The following ZC3H12D variants were observed in gnomAD, a reference collection of about 807,000 sequenced individuals.
ZC3H12D encodes zinc finger CCCH-type containing 12D.
In ZC3H12D, 11 loss-of-function variants were observed where a neutral mutation model predicts 24.2. The observed-to-expected ratio is 0.46, with a 90% CI of 0.29 to 0.75. The LOEUF is 0.75. Ranked by LOEUF, ZC3H12D falls within the 30% of genes least tolerant of loss-of-function variation. The probability of loss-of-function intolerance (pLI) is 0.11; values close to 1 mark genes in which losing one functional copy is unlikely to be tolerated. For synonymous variants in ZC3H12D, 333 were observed against 341.8 expected, an observed-to-expected ratio of 0.97 and a Z score of 0.28; for missense variants, 740 against 767.7, an observed-to-expected ratio of 0.96 and a Z score of 0.43.
intron 1 of ZC3H12D, among the ~76,000 whole-genome samples, chr6:149,482,493 G>A (rs953205502): frequency 6.6e-6 from 1 of 152,222 alleles, no homozygotes; most frequent in Non-Finnish European, 1.5e-5. Flanking sequence ...CAAGGCCCTG[G>A]GAGGTCACAG....
chr6:149,479,959 C>G (rs1339186), intron 1 of ZC3H12D, among the ~76,000 whole-genome samples: 1 of 151,904 alleles, frequency 6.6e-6, no homozygotes, highest in Non-Finnish European at 1.5e-5. Flanking sequence ...TCTCGAAGTC[C>G]CCTTTCACTC....
At chr6:149,473,151 TCAAAGTA>T (rs1776272569) in intron 2 of ZC3H12D, among the ~76,000 whole-genome samples, 1 of 98,722 alleles carries the variant, frequency 1.0e-5, no homozygotes, top group Admixed American at 9.0e-5. Context: ...AAAAAAAAAC[TCAAAGTA>T]CACACCGCAA....
At chr6:149,477,386 CA>C (rs1454669087) in intron 1 of ZC3H12D, among the ~76,000 whole-genome samples, 4 of 152,248 alleles carry the variant, frequency 2.6e-5, no homozygotes, top group Non-Finnish European at 5.9e-5. Context: ...AAACTGACCC[CA>C]GGGGCACCAG....
intron 2 of ZC3H12D, among the ~76,000 whole-genome samples, chr6:149,464,554 C>A (rs747111099): frequency 3.9e-5 from 6 of 152,218 alleles, no homozygotes; most frequent in Non-Finnish European, 7.3e-5. Context: ...CCTCCCGCTC[C>A]TTCCTGGCAC....
rs752115120 is a variant in ZC3H12D at position 149,452,713 on chromosome 6, C to A, written c.690G>T (p.Pro230=). Residue 230 remains proline (P), a synonymous_variant, in exon 5 of 6, where the codon CCG becomes CCT. Transcript: ENST00000409806. This position sits in a 1 kb window ranked among gnomAD's most constrained non-coding sequence, Gnocchi z 4.0. ...MFSFVNDRFM[P]PDDPLGRHGP... is the part of the protein sequence containing the mutation. ...CATGGCGGCCCAGGGGGTCATCAGGCGGCATGAACCTGGAAAATAAGCACA... is the reference window on the plus strand; with the variant it reads ...CATGGCGGCCCAGGGGGTCATCAGGAGGCATGAACCTGGAAAATAAGCACA... 1.7e-5 allele frequency: 27 copies of A among 1,601,902 alleles called. No individual in the cohort carries two copies. The East Asian group carries it at 5.6e-4, about 33-fold the overall frequency.
intron 2 of ZC3H12D, among the ~76,000 whole-genome samples, chr6:149,471,921 C>G (rs1030081113): frequency 2.0e-5 from 3 of 152,216 alleles, no homozygotes; most frequent in Non-Finnish European, 2.9e-5. Context: ...GCAGTACTGC[C>G]TTCAAAAACA....
rs1775872149 is a variant in ZC3H12D, at chr6:149,450,557, T to G, written c.*126A>C. ...CTCAGGAGGAGGAAGCAGGCTTCCC[T>G]GACCATCTTTAAAGAAAAGGGGGCA... On this transcript the variant is annotated 3_prime_UTR_variant, in exon 6 of 6. Transcript: ENST00000409806. The G allele has an allele frequency of 9.6e-7, 1 of 1,040,192 alleles. No individual in the cohort carries two copies. The highest frequency in any genetic ancestry group is 1.7e-5 in the African/African-American group (1 of 60,586). The allele number at this position is 1,040,192 out of a possible 1,614,324, so 64.4% of individuals were successfully genotyped here.
intron 1 of ZC3H12D, among the ~76,000 whole-genome samples, chr6:149,476,614 C>A (rs1433042073): frequency 6.6e-6 from 1 of 152,116 alleles, no homozygotes; most frequent in Non-Finnish European, 1.5e-5. Flanking sequence ...TTGAGACCAA[C>A]CACAGCAACA....
chr6:149,466,063 C>A (rs1726986716), intron 2 of ZC3H12D, among the ~76,000 whole-genome samples: 1 of 152,102 alleles, frequency 6.6e-6, no homozygotes, highest in Non-Finnish European at 1.5e-5. Flanking sequence ...ACACCCCATC[C>A]CTCGCATGAC....
chr6:149,463,902 T>C (rs1776113585), intron 2 of ZC3H12D, among the ~76,000 whole-genome samples: 1 of 152,184 alleles, frequency 6.6e-6, no homozygotes, highest in African/African-American at 2.4e-5. Context: ...ACACCAGGAA[T>C]TCTGGAAAGG....
In ZC3H12D at chr6:149,456,622, C is replaced by CCCCCCCCCCCCCCCCCCCGGGGGGG; in HGVS notation, c.680+43_680+44insCCCCCCCGGGGGGGGGGGGGGGGGG. 1 of 1,314,358 alleles carries CCCCCCCCCCCCCCCCCCCGGGGGGG rather than the reference C, an allele frequency of 7.6e-7. No homozygotes were observed. 81.4% of individuals were successfully genotyped at this position (1,314,358 alleles called of 1,614,324 possible). ...GGCCACTGCCTCGACCCCGGCCCCC[C>CCCCCCCCCCCCCCCCCCCGGGGGGG]GCCCCGCCGCCCCCCAGGGTGTCAG... On this transcript the variant is annotated intron_variant, in intron 4 of 5. Coordinates refer to ENST00000409806, the MANE Select transcript of ZC3H12D (RefSeq NM_207360.3). This position sits in a 1 kb window ranked among gnomAD's most constrained non-coding sequence, Gnocchi z 4.3.
In ZC3H12D at chr6:149,452,554, C is replaced by T; in HGVS notation, c.787+62G>A. ...ACCAGGCCAGCGCTTTTTGACTGTGCTCCTGTACTGCCCCCACACAAGGCC... is the reference window on the plus strand; with the variant it reads ...ACCAGGCCAGCGCTTTTTGACTGTGTTCCTGTACTGCCCCCACACAAGGCC... On this transcript the variant is annotated intron_variant, in intron 5 of 5. Coordinates refer to ENST00000409806, the MANE Select transcript of ZC3H12D (RefSeq NM_207360.3). This position sits in a 1 kb window ranked among gnomAD's most constrained non-coding sequence, Gnocchi z 4.0. 7.3e-7 allele frequency: 1 copy of T among 1,361,808 alleles called. No homozygotes were observed. Among genetic ancestry groups the T allele is most frequent in the South Asian group, 1.5e-5 (1 of 65,230 alleles). The allele number at this position is 1,361,808 out of a possible 1,614,324, so 84.4% of individuals were successfully genotyped here.
chr6:149,461,819 G>C lies in ZC3H12D; in HGVS notation c.445+12C>G, dbSNP rs1178812781. The C allele has an allele frequency of 1.3e-6, 2 of 1,552,526 alleles. No individual in the cohort carries two copies. Among genetic ancestry groups the C allele is most frequent in the Admixed American group, 3.9e-5 (2 of 50,688 alleles). On this transcript the variant is annotated intron_variant, in intron 3 of 5. Coordinates refer to ENST00000409806, the MANE Select transcript of ZC3H12D (RefSeq NM_207360.3). ...TCTAGTACCTCTTGAGCATACATCT[G>C]CTCCAGCATACCTCTGATAGGGGTG...
intron 3 of ZC3H12D, among the ~76,000 whole-genome samples, chr6:149,460,830 CAA>C (rs368479598): frequency 4.8e-5 from 6 of 124,918 alleles, no homozygotes; most frequent in East Asian, 2.4e-4. Flanking sequence ...AACTCCATGT[CAA>C]AAAAAAAAAA....
rs150937045 is a variant in ZC3H12D, at chr6:149,451,293, G to T, written c.974C>A (p.Pro325Gln). 4.0e-3 allele frequency: 5,276 copies of T among 1,318,290 alleles called. 174 individuals are homozygous for T. The African/African-American group carries it at 0.074, about 19-fold the overall frequency. 81.7% of individuals were successfully genotyped at this position (1,318,290 alleles called of 1,614,324 possible). A position where few individuals can be genotyped will look rare whatever the true frequency, so the allele number is the denominator to read the frequency against. Residue 325 changes from proline to glutamine, a missense_variant, in exon 6 of 6, where the codon CCA becomes CAA. Transcript: ENST00000409806. ...SAGARAAPREPFAHSLPPARG... is the reference protein window; with the variant it reads ...SAGARAAPREQFAHSLPPARG... ...CGCCGGCGGGAGGCTGTGCGCAAAT[G>T]GTTCCCGGGGGGCCGCCCGGGCTCC...
Position 149,456,637 on chromosome 6 carries a change from C to CCCGGGGTGA in ZC3H12D, c.680+28_680+29insTCACCCCGG. On this transcript the variant is annotated intron_variant, in intron 4 of 5. Coordinates refer to ENST00000409806, the MANE Select transcript of ZC3H12D (RefSeq NM_207360.3). The surrounding 1 kb of genome is among the most constrained non-coding windows in gnomAD (Gnocchi z 4.3). ...CCCGGCCCCCCGCCCCGCCGCCCCC[C>CCCGGGGTGA]AGGGTGTCAGGACCCCAGCCGGACC... is the stretch of plus-strand genomic sequence containing the variant. The CCCGGGGTGA allele has an allele frequency of 1.3e-6, 2 of 1,554,918 alleles. No individual in the cohort carries two copies. The highest frequency in any genetic ancestry group is 1.8e-6 in the Non-Finnish European group (2 of 1,130,056).
chr6:149,470,398 A>G (rs1304545959), intron 2 of ZC3H12D, among the ~76,000 whole-genome samples: 1 of 152,008 alleles, frequency 6.6e-6, no homozygotes, highest in African/African-American at 2.4e-5. Flanking sequence ...AGCCAGGTGT[A>G]GTGGCAGGCA....
rs754716258 is a variant in ZC3H12D at position 149,450,795 on chromosome 6, C to A, written c.1472G>T (p.Arg491Leu). Residue 491 changes from arginine (R) to leucine (L), a missense_variant, in exon 6 of 6, where the codon CGT becomes CTT. Transcript: ENST00000409806. Reference sequence around the variant, plus strand: ...GGCCATCACGCGGTCCACCTGGTCACGCGGGAAGACGCTGTAGAGCGCGAT... The same window carrying A: ...GGCCATCACGCGGTCCACCTGGTCAAGCGGGAAGACGCTGTAGAGCGCGAT... ...ARIALYSVFP[R>L]DQVDRVMAAF... 1.3e-6 allele frequency: 2 copies of A among 1,549,042 alleles called. No individual in the cohort carries two copies. The highest frequency in any genetic ancestry group is 1.7e-6 in the Non-Finnish European group (2 of 1,146,798).
chr6:149,454,942 G>A (rs984612990), intron 4 of ZC3H12D, among the ~76,000 whole-genome samples: 1 of 152,246 alleles, frequency 6.6e-6, no homozygotes, highest in Non-Finnish European at 1.5e-5. Context: ...TGGCCTTGGG[G>A]ACCACAGTAC....
Sources: allele counts gnomAD v4.1 joint callset (sites outside exome capture counted in the v4.1 genomes callset), GRCh38; gene constraint gnomAD v4.1.1; non-coding constraint Gnocchi (gnomAD v3.1); transcripts MANE v1.5; gene names NCBI Gene and HGNC (gene_info 2026-07-23, HGNC 2026-07-21).